The following ASXL2 variants were observed in gnomAD, a reference collection of about 807,000 sequenced individuals.
ASXL2 encodes putative Polycomb group protein ASXL2.
In ASXL2, 23 loss-of-function variants were observed where a neutral mutation model predicts 122.0. That is an observed-to-expected ratio of 0.19 (90% CI 0.14 to 0.27). ASXL2 has a LOEUF of 0.27. ASXL2 is among the 10% of genes least tolerant of loss of function. The pLI is 1.00. For missense variants in ASXL2, 1,518 were observed against 1,713.8 expected, an observed-to-expected ratio of 0.89 and a Z score of 2.02; for synonymous variants, 650 against 637.0, an observed-to-expected ratio of 1.02 and a Z score of -0.31.
intron 3 of ASXL2, among the ~76,000 whole-genome samples, chr2:25,807,328 G>A (rs2089097086): frequency 6.6e-6 from 1 of 152,178 alleles, no homozygotes; most frequent in South Asian, 2.1e-4. Flanking sequence ...GGAGTTATCT[G>A]CTGGGAAGAG....
In ASXL2 at chr2:25,742,858, T is replaced by G. The variant is rs766551006; in HGVS notation, c.3479A>C (p.Lys1160Thr). ...ATTTTTACAGTCTGTATATCCCATT[T>G]TCAAGGCTTCAGTGGGGCTGCTTAG... ...FCLSSPTEAL[K>T]MGYTDCKNAT... is the part of the protein sequence containing the mutation. The change falls in exon 13 of 13, where the codon AAA (lysine) becomes ACA (threonine). Residue 1160 changes from lysine (K) to threonine (T), a missense_variant. Lys to Thr is a moderately conservative substitution (Grantham distance 78). Transcript: ENST00000435504. The G allele has an allele frequency of 3.1e-6, 5 of 1,614,020 alleles. No homozygotes were observed. In the Admixed American group the frequency reaches 8.3e-5, roughly 27 times the overall value.
Position 25,743,915 on chromosome 2 carries a change from G to C in ASXL2, c.2422C>G (p.Pro808Ala). Residue 808 changes from proline (P) to alanine (A), a missense_variant, in exon 13 of 13, where the codon CCC becomes GCC. This residue lies in a region of ASXL2 where 831 missense variants were observed against 833.1 expected (regional missense o/e 1.00). Coordinates refer to ENST00000435504, the MANE Select transcript of ASXL2 (RefSeq NM_018263.6). ...GCCACTGTGGCTGTTGCTCTGGTGG[G>C]GTTCAGTTTTTCATTATCCAATTTC... ...IEKLDNEKLN[P>A]TRATATVASV... 6.2e-7 allele frequency: 1 copy of C among 1,613,944 alleles called. No homozygotes were observed. The highest frequency in any genetic ancestry group is 1.1e-5 in the South Asian group (1 of 91,082).
Position 25,806,628 on chromosome 2 carries a change from A to G in ASXL2, c.144-291T>C, listed in dbSNP as rs538070734. On this transcript the variant is annotated intron_variant, in intron 3 of 12. Transcript: ENST00000435504. The stretch of plus-strand genomic sequence containing the variant: ...TACAAACATATTTTGTAAACATTCT[A>G]TTTAGCACAAGCTTTACAAATGTCC... 4.6e-5 allele frequency among the ~76,000 whole-genome samples: 7 copies of G among 152,344 alleles called. No individual in the cohort carries two copies. In the South Asian group the frequency reaches 1.2e-3, roughly 27 times the overall value.
At chr2:25,745,712 C>T (rs2087930857) in intron 12 of ASXL2, among the ~76,000 whole-genome samples, 1 of 137,336 alleles carries the variant, frequency 7.3e-6, no homozygotes, top group Admixed American at 7.7e-5. Flanking sequence ...GGCAGAATCT[C>T]AGCTCACTGT....
chr2:25,759,510 A>C lies in ASXL2; in HGVS notation c.911T>G (p.Leu304Arg). 6.2e-7 allele frequency: 1 copy of C among 1,613,994 alleles called. No individual in the cohort carries two copies. Among genetic ancestry groups the C allele is most frequent in the Non-Finnish European group, 8.5e-7 (1 of 1,179,866 alleles). Residue 304 changes from leucine to arginine, a missense_variant, in exon 9 of 13, where the codon CTT becomes CGT. Physicochemically the swap from Leu to Arg is moderately radical, Grantham distance 102. Coordinates refer to ENST00000435504, the MANE Select transcript of ASXL2 (RefSeq NM_018263.6). ...VLPGDCQQRL[L>R]LLLPEVDRQV... ...TCGATCTACCTCTGGGAGTAGTAAA[A>C]GCAGTCGTTGCTGGCAATCTCCAGG...
At chr2:25,746,926 G>C (rs148498115) in intron 12 of ASXL2, among the ~76,000 whole-genome samples, 1,991 of 152,272 alleles carry the variant, frequency 0.013, 31 homozygotes, top group Non-Finnish European at 0.016. Flanking sequence ...ATCCATGGGG[G>C]ATTGGTTCTA....
intron 5 of ASXL2, among the ~76,000 whole-genome samples, chr2:25,798,679 G>A (rs1029828239): frequency 6.6e-6 from 1 of 152,102 alleles, no homozygotes; most frequent in Non-Finnish European, 1.5e-5. Flanking sequence ...CAGGGTAATT[G>A]CTTGAACCCA....
intron 3 of ASXL2, among the ~76,000 whole-genome samples, chr2:25,813,511 A>C (rs1157410098): frequency 6.6e-6 from 1 of 152,190 alleles, no homozygotes; most frequent in African/African-American, 2.4e-5. Flanking sequence ...TTGTCAAGTG[A>C]GTTTGGTGCT....
chr2:25,851,991 C>G (rs1489592867), intron 1 of ASXL2, among the ~76,000 whole-genome samples: 2 of 152,082 alleles, frequency 1.3e-5, no homozygotes, highest in Non-Finnish European at 2.9e-5. Context: ...GGAAAAAAAC[C>G]CTTTCTTGGC....
chr2:25,799,209 C>T (rs1396266754), intron 5 of ASXL2, among the ~76,000 whole-genome samples, 176 bp downstream of exon 5: 1 of 152,166 alleles, frequency 6.6e-6, no homozygotes, highest in African/African-American at 2.4e-5. Context: ...CTGTGTTGTG[C>T]TGGACAGTAA....
intron 9 of ASXL2, among the ~76,000 whole-genome samples, chr2:25,756,694 C>CT (rs2088141584): frequency 6.6e-6 from 1 of 152,194 alleles, no homozygotes; most frequent in Admixed American, 6.5e-5. Context: ...ACCACAAATA[C>CT]TTTAACTTTG....
intron 3 of ASXL2, among the ~76,000 whole-genome samples, chr2:25,806,593 A>G (rs1412298686): frequency 6.6e-6 from 1 of 152,250 alleles, no homozygotes; most frequent in Non-Finnish European, 1.5e-5. Flanking sequence ...CAAGAAAAAT[A>G]CAGAAGTATT....
intron 5 of ASXL2, among the ~76,000 whole-genome samples, chr2:25,798,119 G>T (rs2088938047): frequency 6.6e-6 from 1 of 152,156 alleles, no homozygotes; most frequent in Non-Finnish European, 1.5e-5. Flanking sequence ...GGAGCTAAAT[G>T]ATGAGAATAC....
chr2:25,771,427 T>A lies in ASXL2; in HGVS notation c.504+13A>T. 6.3e-7 allele frequency: 1 copy of A among 1,596,812 alleles called. No individual in the cohort carries two copies. The highest frequency in any genetic ancestry group is 1.1e-5 in the South Asian group (1 of 90,296). Reference sequence around the variant, plus strand: ...GAAATTCTACTTGATAAATACAGACTAGCAATGCTTACCTGCTTTAGTGCC... The same window carrying A: ...GAAATTCTACTTGATAAATACAGACAAGCAATGCTTACCTGCTTTAGTGCC... On this transcript the variant is annotated intron_variant, in intron 6 of 12. Transcript: ENST00000435504.
In ASXL2 at chr2:25,735,167, A is replaced by C. The variant is rs1436894840; in HGVS notation, c.*6862T>G. 1 of 152,172 alleles carries C rather than the reference A, an allele frequency of 6.6e-6. No individual in the cohort carries two copies. Among genetic ancestry groups the C allele is most frequent in the Non-Finnish European group, 1.5e-5 (1 of 68,038 alleles). The allele number at this position is 152,172 out of a possible 1,614,324, so 9.4% of individuals were successfully genotyped here. A position where few individuals can be genotyped will look rare whatever the true frequency, so the allele number is the denominator to read the frequency against. On this transcript the variant is annotated 3_prime_UTR_variant, in exon 13 of 13. Coordinates refer to ENST00000435504, the MANE Select transcript of ASXL2 (RefSeq NM_018263.6). Reference sequence around the variant, plus strand: ...TGGTTTCGCTTTTTCTTCCTGTTACAAGATCTCCTTCCAGGGAATGCCTTT... The same window carrying C: ...TGGTTTCGCTTTTTCTTCCTGTTACCAGATCTCCTTCCAGGGAATGCCTTT...
At position 25,743,707 on chromosome 2, in the gene ASXL2, C is replaced by G; in HGVS notation, c.2630G>C (p.Ser877Thr). 6.2e-7 allele frequency: 1 copy of G among 1,614,018 alleles called. No homozygotes were observed. Among genetic ancestry groups the G allele is most frequent in the South Asian group, 1.1e-5 (1 of 91,084 alleles). ...GGAGGGAGTTACAGCCACTGGCACA[C>G]TAGCATCTGTCTTTGATGAGGCTGA... Reference protein sequence around the residue: ...NPSASSKTDASVPVAVTPSPL... With the variant: ...NPSASSKTDATVPVAVTPSPL... Residue 877 changes from serine (S) to threonine (T), a missense_variant, in exon 13 of 13, where the codon AGT (serine) becomes ACT (threonine). Physicochemically the swap from Ser to Thr is moderately conservative, Grantham distance 58. Transcript: ENST00000435504.
intron 2 of ASXL2, among the ~76,000 whole-genome samples, chr2:25,844,842 G>A (rs1469717142): frequency 2.0e-5 from 3 of 151,892 alleles, no homozygotes; most frequent in Non-Finnish European, 2.9e-5. Flanking sequence ...TCACTATGTT[G>A]GCCAGGCTGG....
At chr2:25,818,374 G>A (rs2089263778) in intron 3 of ASXL2, among the ~76,000 whole-genome samples, 1 of 152,182 alleles carries the variant, frequency 6.6e-6, no homozygotes, top group Non-Finnish European at 1.5e-5. Flanking sequence ...AGCTGGGCAT[G>A]GTGGCGGGCA....
At chr2:25,791,857 A>C (rs986801790) in intron 5 of ASXL2, among the ~76,000 whole-genome samples, 1 of 152,172 alleles carries the variant, frequency 6.6e-6, no homozygotes, top group African/African-American at 2.4e-5. Context: ...CTAATTATCT[A>C]CTTATTTTTC....
Sources: gnomAD v4.1 joint callset for allele counts (sites outside exome capture counted in the v4.1 genomes callset) on GRCh38, gnomAD v4.1.1 for gene constraint, gnomAD v4.1.1 regional missense constraint, MANE v1.5 for transcripts, NCBI Gene and HGNC (gene_info 2026-07-23, HGNC 2026-07-21) for gene names.